The following ZNF536 variants were observed in gnomAD, a reference collection of about 807,000 sequenced individuals.
ZNF536 encodes the protein zinc finger protein 536.
In ZNF536, 13 loss-of-function variants were observed where a neutral mutation model predicts 84.5. The observed-to-expected ratio is 0.15, with a 90% CI of 0.10 to 0.24. ZNF536 has a LOEUF of 0.24. Among genes scored for constraint, ZNF536 ranks in the 10% least tolerant of loss-of-function variants. The probability of loss-of-function intolerance (pLI) is 1.00; values close to 1 mark genes in which losing one functional copy is unlikely to be tolerated. For missense variants in ZNF536, 1,536 were observed against 1,747.5 expected (o/e 0.88, Z 2.16); for synonymous variants, 811 against 742.5 (o/e 1.09, Z -1.50).
At chr19:30,538,065 G>A (rs1034013863) in intron 3 of ZNF536, among the ~76,000 whole-genome samples, 1 of 152,170 alleles carries the variant, frequency 6.6e-6, no homozygotes, top group African/African-American at 2.4e-5. Flanking sequence ...GATTACACAA[G>A]TAATTAAAAA....
upstream of ZNF536, among the ~76,000 whole-genome samples, chr19:30,368,776 A>G (rs2048519416): frequency 6.6e-6 from 1 of 152,168 alleles, no homozygotes; most frequent in African/African-American, 2.4e-5. Flanking sequence ...TCGACAGCGG[A>G]GAATCTCACC....
chr19:30,497,292 C>T (rs758484435), intron 2 of ZNF536, among the ~76,000 whole-genome samples: 7 of 152,186 alleles, frequency 4.6e-5, no homozygotes, highest in East Asian at 1.9e-4. Flanking sequence ...AGTGCATTTA[C>T]ATTTTATCAC....
intron 1 of ZNF536, among the ~76,000 whole-genome samples, chr19:30,676,651 C>T (rs1416300121): frequency 6.6e-6 from 1 of 152,136 alleles, no homozygotes; most frequent in African/African-American, 2.4e-5. Flanking sequence ...TGCATCTTTG[C>T]AATTTTATTC....
At chr19:30,394,724 C>A (rs1187425575) in intron 1 of ZNF536, among the ~76,000 whole-genome samples, 1 of 152,136 alleles carries the variant, frequency 6.6e-6, no homozygotes, top group Non-Finnish European at 1.5e-5. Flanking sequence ...TCAGCCTCAC[C>A]TTTCCAAGGG....
intron 1 of ZNF536, among the ~76,000 whole-genome samples, chr19:30,416,289 AT>A (rs200146840): frequency 0.078 from 10,333 of 131,734 alleles, 595 homozygotes; most frequent in East Asian, 0.2. Context: ...TGTCCTCTGA[AT>A]TTTTTTTTTT....
chr19:30,354,560 C>A (rs563924676), intron 3 of ZNF536, among the ~76,000 whole-genome samples: 7 of 152,222 alleles, frequency 4.6e-5, no homozygotes, highest in Non-Finnish European at 8.8e-5. Context: ...AAATTAACTG[C>A]CCTGGCATGC....
At chr19:30,566,096 C>A (rs1351670771) in intron 1 of ZNF536, among the ~76,000 whole-genome samples, 1 of 152,224 alleles carries the variant, frequency 6.6e-6, no homozygotes, top group East Asian at 1.9e-4. Context: ...ACTTTCAGGG[C>A]AACTATGTAA....
chr19:30,477,993 T>A (rs2053919026), intron 2 of ZNF536, among the ~76,000 whole-genome samples: 1 of 152,146 alleles, frequency 6.6e-6, no homozygotes, highest in Admixed American at 6.5e-5. Flanking sequence ...CAGCTTCTGA[T>A]GATTGAGGAC....
intron 2 of ZNF536, among the ~76,000 whole-genome samples, chr19:30,312,550 G>A (rs763850414): frequency 7.2e-5 from 11 of 152,072 alleles, no homozygotes; most frequent in Non-Finnish European, 1.2e-4. Context: ...TTTTCTTTTT[G>A]TATTAAACTA....
intron 1 of ZNF536, among the ~76,000 whole-genome samples, chr19:30,669,268 G>A (rs898637644): frequency 6.6e-6 from 1 of 152,220 alleles, no homozygotes; most frequent in Non-Finnish European, 1.5e-5. Flanking sequence ...CTCCATTTCT[G>A]TTCCTCACGC....
At chr19:30,711,848 A>AC (rs931913021) in exon 2 of ZNF536, 2 of 152,166 alleles carry the variant, frequency 1.3e-5, no homozygotes, top group African/African-American at 4.8e-5. Flanking sequence ...AAACTAGCTA[A>AC]CCCCATCCAT....
intron 1 of ZNF536, among the ~76,000 whole-genome samples, chr19:30,584,350 A>T (rs1269243696): frequency 6.6e-6 from 1 of 152,124 alleles, no homozygotes; most frequent in Non-Finnish European, 1.5e-5. Flanking sequence ...CAGCGGGAGG[A>T]TAAGGGATCA....
At chr19:30,624,672 G>A (rs948186962) in intron 1 of ZNF536, among the ~76,000 whole-genome samples, 4 of 152,158 alleles carry the variant, frequency 2.6e-5, no homozygotes, top group Non-Finnish European at 5.9e-5. Flanking sequence ...TTAGGGAGCA[G>A]GGCTGATTTG....
At chr19:30,606,977 T>C (rs2047919819) in intron 1 of ZNF536, among the ~76,000 whole-genome samples, 1 of 152,046 alleles carries the variant, frequency 6.6e-6, no homozygotes, top group Non-Finnish European at 1.5e-5. Flanking sequence ...AGGGAGGATG[T>C]CAGAATGTGT....
At chr19:30,606,237 TAAA>T (rs1432103265) in intron 1 of ZNF536, among the ~76,000 whole-genome samples, 13,582 of 67,244 alleles carry the variant, frequency 0.2, 978 homozygotes, top group East Asian at 0.29. Flanking sequence ...AATAATAAAA[TAAA>T]ATAAAATAAA....
At chr19:30,551,755 GC>G (rs1224457309) in intron 4 of ZNF536, among the ~76,000 whole-genome samples, 1 of 152,124 alleles carries the variant, frequency 6.6e-6, no homozygotes, top group Non-Finnish European at 1.5e-5. Context: ...ATTCCATTTG[GC>G]CCCATTTCTT....
chr19:30,494,377 G>A (rs550551929), intron 2 of ZNF536, among the ~76,000 whole-genome samples: 2 of 152,324 alleles, frequency 1.3e-5, no homozygotes, highest in African/African-American at 2.4e-5. Flanking sequence ...GTCTTGCTTC[G>A]ACTTCACTCC....
chr19:30,391,328 G>A (rs946005855), intron 1 of ZNF536, among the ~76,000 whole-genome samples: 15 of 152,222 alleles, frequency 9.9e-5, no homozygotes, highest in African/African-American at 3.6e-4. Flanking sequence ...TGTAATCCCA[G>A]CACTTTGGGA....
chr19:30,485,400 A>G (rs995031426), intron 2 of ZNF536, among the ~76,000 whole-genome samples: 3 of 152,168 alleles, frequency 2.0e-5, no homozygotes, highest in South Asian at 4.1e-4. Context: ...AATCAATTTT[A>G]GAACATTTCT....
Sources: allele counts gnomAD v4.1 joint callset (sites outside exome capture counted in the v4.1 genomes callset), GRCh38; gene constraint gnomAD v4.1.1; transcripts MANE v1.5; gene names NCBI Gene and HGNC (gene_info 2026-07-23, HGNC 2026-07-21).